TRMT1: variants seen among roughly 807,000 people sequenced by gnomAD.
TRMT1 encodes the protein tRNA (guanine(26)-N(2))-dimethyltransferase.
Under a neutral mutation model 75.4 loss-of-function variants are expected in TRMT1, and 63 were observed. The observed-to-expected ratio is 0.84, with a 90% CI of 0.68 to 1.03. The LOEUF is 1.03. Among genes scored for constraint, TRMT1 ranks in the 50% least tolerant of loss-of-function variants. The pLI is 0.00. For synonymous variants in TRMT1, 382 were observed against 358.1 expected (o/e 1.07, Z -0.75); for missense variants, 870 against 905.3 (o/e 0.96, Z 0.50).
At chr19:13,108,027 G>A (rs2145579041) in intron 12 of TRMT1, among the ~76,000 whole-genome samples, 168 bp from the exon 13 acceptor site, 1 of 119,420 alleles carries the variant, frequency 8.4e-6, no homozygotes, top group South Asian at 2.7e-4. Flanking sequence ...GTCTCGCTCT[G>A]TCGCTCAGGC....
chr19:13,111,596 C>T (rs2019143552), intron 7 of TRMT1, among the ~76,000 whole-genome samples: 2 of 147,528 alleles, frequency 1.4e-5, no homozygotes. Flanking sequence ...CGGGGTTTCA[C>T]CATGTTGGCC....
At chr19:13,114,772 C>T (rs530457698) in intron 5 of TRMT1, among the ~76,000 whole-genome samples, 142 of 152,308 alleles carry the variant, frequency 9.3e-4, no homozygotes, top group South Asian at 1.9e-3. Flanking sequence ...ACCCGGGAGG[C>T]GGAGGTTGCA....
Position 13,112,775 on chromosome 19 carries a change from C to T in TRMT1, c.800G>A (p.Gly267Glu), listed in dbSNP as rs1471556836. The T allele has an allele frequency of 1.2e-6, 2 of 1,614,104 alleles. No homozygotes were observed. Among genetic ancestry groups the T allele is most frequent in the Non-Finnish European group, 8.5e-7 (1 of 1,180,020 alleles). Residue 267 changes from glycine (G) to glutamate (E), a missense_variant, in exon 7 of 17, where the codon GGG becomes GAG. Coordinates refer to ENST00000357720, the MANE Select transcript of TRMT1 (RefSeq NM_001136035.4). ...VTCTDMAVLA[G>E]NSGETCYSKY... ...GCTGTAGCACGTCTCCCCGCTGTTC[C>T]CCGCCAACACCGCCATGTCTGTGCA...
Position 13,113,029 on chromosome 19 carries a change from C to T in TRMT1, c.642-18G>A, listed in dbSNP as rs1186867795. 1.3e-6 allele frequency: 2 copies of T among 1,591,290 alleles called. No homozygotes were observed. The highest frequency in any genetic ancestry group is 2.3e-5 in the South Asian group (2 of 87,734). ...TCAGCATCCTGGGTGCAAAGAGGGC[C>T]AGGTCCTCAGCCTCCCACGCCAGGT... is the stretch of plus-strand genomic sequence containing the variant. On this transcript the variant is annotated intron_variant, in intron 5 of 16. Coordinates refer to ENST00000357720, the MANE Select transcript of TRMT1 (RefSeq NM_001136035.4).
chr19:13,115,875 G>A (rs889387127), intron 3 of TRMT1, 107 bp from the exon 4 acceptor site: 4 of 1,604,236 alleles, frequency 2.5e-6, no homozygotes, highest in Non-Finnish European at 3.4e-6. Flanking sequence ...AAAGGCTGAA[G>A]GAGCAGAACC....
rs1437170250 is a variant in TRMT1, at chr19:13,115,443, G to T, written c.477C>A (p.Gly159=). ...ICEEGLHVLE[G]LAASGLRSIR... ...TGGAACGTAGGCCTGAAGCTGCCAG[G>T]CCTTCCAGCACATGCAGGCCTTCCT... is the stretch of plus-strand genomic sequence containing the variant. Residue 159 remains glycine (G), a synonymous_variant, in exon 5 of 17, where the codon GGC becomes GGA. Coordinates refer to ENST00000357720, the MANE Select transcript of TRMT1 (RefSeq NM_001136035.4). 3 of 1,613,426 alleles carry T rather than the reference G, an allele frequency of 1.9e-6. No homozygotes were observed. Among genetic ancestry groups the T allele is most frequent in the Non-Finnish European group, 2.5e-6 (3 of 1,179,784 alleles).
Position 13,115,925 on chromosome 19 carries a change from C to A in TRMT1, c.310+72G>T, listed in dbSNP as rs781091481. The A allele has an allele frequency of 6.2e-7, 1 of 1,611,786 alleles. No individual in the cohort carries two copies. The highest frequency in any genetic ancestry group is 1.7e-5 in the Admixed American group (1 of 59,918). ...TGGCTGAAGCCCCTCTGGATTTGGGCGGCAGAAGAGCCCAGGCAGGGAGAT... is the reference window on the plus strand; with the variant it reads ...TGGCTGAAGCCCCTCTGGATTTGGGAGGCAGAAGAGCCCAGGCAGGGAGAT... On this transcript the variant is annotated intron_variant, in intron 3 of 16. Coordinates refer to ENST00000357720, the MANE Select transcript of TRMT1 (RefSeq NM_001136035.4).
rs1444324564 is a variant in TRMT1 at position 13,116,356 on chromosome 19, G to A, written c.44C>T (p.Ala15Val). 1 of 1,612,416 alleles carries A rather than the reference G, an allele frequency of 6.2e-7. No homozygotes were observed. Among genetic ancestry groups the A allele is most frequent in the Non-Finnish European group, 8.5e-7 (1 of 1,179,538 alleles). Residue 15 changes from alanine (A) to valine (V), a missense_variant, in exon 2 of 17, where the codon GCC (alanine) becomes GTC (valine). Physicochemically the swap from Ala to Val is moderately conservative, Grantham distance 64 (BLOSUM62 0). Coordinates refer to ENST00000357720, the MANE Select transcript of TRMT1 (RefSeq NM_001136035.4). ...AAACCGGGCTCTAGAGAGCACCCGG[G>A]CGGAGCGGAAAGTGAGGCTTAGCCA... ...SLWLSLTFRS[A>V]RVLSRARFFE... is the part of the protein sequence containing the mutation.
At position 13,109,417 on chromosome 19, in the gene TRMT1, G is replaced by A. The variant is rs2019031589; in HGVS notation, c.1361C>T (p.Thr454Ile). Reference protein sequence around the residue: ...LYYTLDQLSSTIHCNTPSLLQ... With the variant: ...LYYTLDQLSSIIHCNTPSLLQ... The stretch of plus-strand genomic sequence containing the variant: ...GAGGCTTGGTGTGTTGCAGTGGATG[G>A]TGCTGCTCAGCTGGTCCAGGGTGTA... Residue 454 changes from threonine to isoleucine, a missense_variant, in exon 12 of 17, where the codon ACC (threonine) becomes ATC (isoleucine). Thr to Ile is a moderately conservative substitution (Grantham distance 89). Coordinates refer to ENST00000357720, the MANE Select transcript of TRMT1 (RefSeq NM_001136035.4). 1 of 1,613,374 alleles carries A rather than the reference G, an allele frequency of 6.2e-7. No homozygotes were observed. The highest frequency in any genetic ancestry group is 8.5e-7 in the Non-Finnish European group (1 of 1,180,008).
At chr19:13,114,463 G>A (rs540729932) in intron 5 of TRMT1, among the ~76,000 whole-genome samples, 5 of 152,314 alleles carry the variant, frequency 3.3e-5, no homozygotes, top group South Asian at 2.1e-4. Context: ...TCAGGAAATC[G>A]AGACCATCCT....
chr19:13,105,816 T>C (rs1278770081), intron 14 of TRMT1, among the ~76,000 whole-genome samples: 1 of 152,056 alleles, frequency 6.6e-6, no homozygotes, highest in Non-Finnish European at 1.5e-5. Flanking sequence ...AATCCCAGCA[T>C]TTTGGGAGGC....
In TRMT1 at chr19:13,107,743, G is replaced by A. The variant is rs200511077; in HGVS notation, c.1506+8C>T. 4 of 1,555,664 alleles carry A rather than the reference G, an allele frequency of 2.6e-6. No individual in the cohort carries two copies. The highest frequency in any genetic ancestry group is 3.5e-6 in the Non-Finnish European group (4 of 1,148,634). On this transcript the variant is annotated splice_region_variant and intron_variant, in intron 13 of 16. Coordinates refer to ENST00000357720, the MANE Select transcript of TRMT1 (RefSeq NM_001136035.4). ...CTCCCACCTGCATGAGGTCAGCCCT[G>A]CCCTCACCCAGCAACGCATGATGTC...
Position 13,105,374 on chromosome 19 carries a change from T to G in TRMT1, c.1726A>C (p.Met576Leu). ...TGAAGCAGCCTGCGTCTCTCCTCCA[T>G]AGCTTCGTCGGCCGCCTTGCCCCTG... is the stretch of plus-strand genomic sequence containing the variant. ...RPGGKAADEA[M>L]EERRRLLQNK... Residue 576 changes from methionine to leucine, a missense_variant, in exon 16 of 17, where the codon ATG (methionine) becomes CTG (leucine). Met to Leu is a conservative substitution (Grantham distance 15). Transcript: ENST00000357720. The G allele has an allele frequency of 6.2e-7, 1 of 1,613,824 alleles. No individual in the cohort carries two copies. The highest frequency in any genetic ancestry group is 8.5e-7 in the Non-Finnish European group (1 of 1,180,002).
chr19:13,105,358 C>T lies in TRMT1; in HGVS notation c.1742G>A (p.Arg581Lys). The T allele has an allele frequency of 6.2e-7, 1 of 1,613,950 alleles. No homozygotes were observed. ...AADEAMEERR[R>K]LLQNKRKEPP... ...CTCCTTCCGCTTGTTCTGAAGCAGC[C>T]TGCGTCTCTCCTCCATAGCTTCGTC... The change falls in exon 16 of 17, where the codon AGG becomes AAG. Residue 581 changes from arginine (R) to lysine (K), a missense_variant. Physicochemically the swap from Arg to Lys is conservative, Grantham distance 26. Transcript: ENST00000357720.
In TRMT1 at chr19:13,107,610, GTC is replaced by G. The variant is rs1568360595; in HGVS notation, c.1545_1546del (p.Glu515AspfsTer2). 6.2e-7 allele frequency: 1 copy of G among 1,608,780 alleles called. No homozygotes were observed. On this transcript the variant is annotated frameshift_variant, in exon 14 of 17. Coordinates refer to ENST00000357720, the MANE Select transcript of TRMT1 (RefSeq NM_001136035.4). LOFTEE classifies it high-confidence loss of function. ...ACTGAGAATGCGGAACGCTGGGCTA[GTC>G]TCTGATAGTCGCTCCCGTTTCACCG...
chr19:13,109,784 A>G lies in TRMT1; in HGVS notation c.1161T>C (p.Cys387=), dbSNP rs1293139528. The change falls in exon 10 of 17, where the codon TGT becomes TGC. Residue 387 remains cysteine (C), a synonymous_variant. Transcript: ENST00000357720. ...GPPVTPECEH[C]GQRHQLGGPM... ...CTAGCCCTACCTGGTGTCGTTGCCC[A>G]CAGTGTTCACACTCGGGGGTCACAG... 6.2e-7 allele frequency: 1 copy of G among 1,614,028 alleles called. No individual in the cohort carries two copies. The highest frequency in any genetic ancestry group is 1.7e-5 in the Admixed American group (1 of 60,018).
chr19:13,109,132 GTATA>G (rs1431011350), intron 12 of TRMT1, among the ~76,000 whole-genome samples: 1 of 151,480 alleles, frequency 6.6e-6, no homozygotes, highest in African/African-American at 2.4e-5. Context: ...GTATGTGTGT[GTATA>G]TGTATGTGTG....
chr19:13,106,307 A>G (rs1013153591), intron 14 of TRMT1, among the ~76,000 whole-genome samples: 12 of 151,568 alleles, frequency 7.9e-5, no homozygotes, highest in African/African-American at 2.4e-4. Flanking sequence ...TCCTGGGCTC[A>G]AGCGATCTTC....
rs2018959151 is a variant in TRMT1, at chr19:13,107,971, A to ATTTCT, written c.1398-117_1398-113dup. 25 of 574,286 alleles carry ATTTCT rather than the reference A, an allele frequency of 4.4e-5. No individual in the cohort carries two copies. The African/African-American group carries it at 4.7e-4, about 11-fold the overall frequency. 35.6% of individuals were successfully genotyped at this position (574,286 alleles called of 1,614,324 possible). A position where few individuals can be genotyped will look rare whatever the true frequency, so the allele number is the denominator to read the frequency against. ...GCAAGGGCTCATGGCTACAGAGTTC[A>ATTTCT]TTTCTTTTCTTTTCTTTTTTTTTTT... On this transcript the variant is annotated intron_variant, in intron 12 of 16. Coordinates refer to ENST00000357720, the MANE Select transcript of TRMT1 (RefSeq NM_001136035.4).
Sources: allele counts gnomAD v4.1 joint callset (sites outside exome capture counted in the v4.1 genomes callset), GRCh38; gene constraint gnomAD v4.1.1; transcripts MANE v1.5; gene names NCBI Gene and HGNC (gene_info 2026-07-23, HGNC 2026-07-21).